Variants in SAMD12 observed in about 807,000 individuals in gnomAD.
The protein encoded by SAMD12 is sterile alpha motif domain containing 12.
Under a neutral mutation model 15.0 loss-of-function variants are expected in SAMD12, and 9 were observed. The observed-to-expected ratio is 0.60, with a 90% CI of 0.36 to 1.05. The LOEUF is 1.05. Ranked by LOEUF, SAMD12 falls within the 50% of genes least tolerant of loss-of-function variation. The pLI is 0.01. For missense variants in SAMD12, 230 were observed against 234.2 expected (o/e 0.98, Z 0.12); for synonymous variants, 86 against 90.1 (o/e 0.96, Z 0.25).
At chr8:118,530,886 G>C (rs987554418) in intron 2 of SAMD12, among the ~76,000 whole-genome samples, 2 of 152,176 alleles carry the variant, frequency 1.3e-5, no homozygotes, top group African/African-American at 2.4e-5. Flanking sequence ...CTGTAGCCCA[G>C]GCTGGAGTGC....
At chr8:118,249,969 T>C (rs1048727047) in intron 4 of SAMD12, among the ~76,000 whole-genome samples, 2 of 152,042 alleles carry the variant, frequency 1.3e-5, no homozygotes, top group African/African-American at 2.4e-5. Context: ...TGCAGGTGAA[T>C]CCACACCCCC....
At chr8:118,263,017 A>G (rs1055865015) in intron 4 of SAMD12, among the ~76,000 whole-genome samples, 2 of 152,060 alleles carry the variant, frequency 1.3e-5, no homozygotes, top group African/African-American at 4.8e-5. Context: ...AACATATACA[A>G]AATTAGGATA....
chr8:118,218,780 A>C, intron 4 of SAMD12, among the ~76,000 whole-genome samples: 1 of 152,042 alleles, frequency 6.6e-6, no homozygotes, highest in South Asian at 2.1e-4. Context: ...ATTGGTAGAC[A>C]CTTAGCTTGA....
At chr8:118,271,351 T>C (rs1209053205) in intron 4 of SAMD12, among the ~76,000 whole-genome samples, 1 of 152,118 alleles carries the variant, frequency 6.6e-6, no homozygotes, top group Non-Finnish European at 1.5e-5. Context: ...GTCCCCATGA[T>C]TAAATTACCT....
intron 4 of SAMD12, among the ~76,000 whole-genome samples, chr8:118,230,773 G>A (rs900084357): frequency 1.3e-5 from 2 of 152,174 alleles, no homozygotes; most frequent in Non-Finnish European, 2.9e-5. Context: ...ATTCAAGAAA[G>A]GAAAGAAGGC....
intron 4 of SAMD12, among the ~76,000 whole-genome samples, chr8:118,224,268 A>T (rs1812140133): frequency 6.6e-6 from 1 of 152,200 alleles, no homozygotes; most frequent in South Asian, 2.1e-4. Context: ...CATTACAACA[A>T]AATAATAGTA....
At chr8:118,160,850 G>T in the SAMD12 span, among the ~76,000 whole-genome samples, 1 of 152,064 alleles carries the variant, frequency 6.6e-6, no homozygotes, top group African/African-American at 2.4e-5. Flanking sequence ...GTGCAGGTTT[G>T]TTACATATGT....
chr8:118,476,725 T>C (rs776578569), intron 2 of SAMD12, among the ~76,000 whole-genome samples: 11 of 152,190 alleles, frequency 7.2e-5, no homozygotes, highest in Admixed American at 2.0e-4. Flanking sequence ...ATAGTAGGCA[T>C]GTTCTTAAAA....
chr8:118,501,398 T>C (rs1020289364), intron 2 of SAMD12, among the ~76,000 whole-genome samples: 1 of 152,206 alleles, frequency 6.6e-6, no homozygotes, highest in Admixed American at 6.5e-5. Context: ...CCACAATGTG[T>C]ATATATTTCA....
Position 118,408,116 on chromosome 8 carries a change from C to T in SAMD12, c.323-28416G>A, listed in dbSNP as rs992810328. 9.9e-5 allele frequency among the ~76,000 whole-genome samples: 15 copies of T among 152,104 alleles called. 1 individual carries two copies. Among genetic ancestry groups the T allele is most frequent in the African/African-American group, 3.1e-4 (13 of 41,392 alleles). ...TTACCCAAGTTTATACACTTCCTCC[C>T]GAGTTCACTTTTTCACTCCAGTCCT... is the stretch of plus-strand genomic sequence containing the variant. On this transcript the variant is annotated intron_variant, in intron 3 of 3. Coordinates refer to ENST00000314727, the MANE Select transcript of SAMD12 (RefSeq NM_207506.3).
At chr8:118,506,458 T>C (rs1388484743) in intron 2 of SAMD12, among the ~76,000 whole-genome samples, 1 of 152,126 alleles carries the variant, frequency 6.6e-6, no homozygotes, top group East Asian at 1.9e-4. Context: ...TTGCAAGTAT[T>C]GGTGCTAATT....
the SAMD12 span, among the ~76,000 whole-genome samples, chr8:118,157,296 G>A: frequency 6.6e-5 from 10 of 152,150 alleles, no homozygotes; most frequent in South Asian, 4.2e-4. Context: ...GGCTCTCTGC[G>A]GGTAACTTAA....
chr8:118,472,174 C>T (rs1467495963), intron 2 of SAMD12, among the ~76,000 whole-genome samples: 1 of 151,970 alleles, frequency 6.6e-6, no homozygotes, highest in Non-Finnish European at 1.5e-5. Flanking sequence ...GTAGCCCCAG[C>T]TATTCAGGAG....
intron 2 of SAMD12, among the ~76,000 whole-genome samples, chr8:118,459,022 T>C (rs1042774714): frequency 1.3e-5 from 2 of 151,620 alleles, no homozygotes; most frequent in Non-Finnish European, 2.9e-5. Context: ...ACAACGTTAA[T>C]ATATTGCTTT....
At position 118,473,718 on chromosome 8, in the gene SAMD12, T is replaced by C. The variant is rs143615227; in HGVS notation, c.193-33757A>G. On this transcript the variant is annotated intron_variant, in intron 2 of 3. Transcript: ENST00000314727. Reference sequence around the variant, plus strand: ...ACCTTCACGCACAGGTCTCCATACATACCATTTCCTCGGCCTGGGAAGCAT... The same window carrying C: ...ACCTTCACGCACAGGTCTCCATACACACCATTTCCTCGGCCTGGGAAGCAT... Among the ~76,000 whole-genome samples the C allele has an allele frequency of 7.6e-3, 1,153 of 152,278 alleles. 4 individuals are homozygous for C. Among genetic ancestry groups the C allele is most frequent in the Non-Finnish European group, 0.012 (806 of 68,014 alleles).
At chr8:118,366,828 A>AATAAAATAT in intron 4 of SAMD12, among the ~76,000 whole-genome samples, 1 of 89,798 alleles carries the variant, frequency 1.1e-5, no homozygotes, top group Non-Finnish European at 2.1e-5. Flanking sequence ...AAATAAAATA[A>AATAAAATAT]AATAAAATAA....
chr8:118,600,282 G>GT (rs779227574), intron 1 of SAMD12, among the ~76,000 whole-genome samples: 59 of 149,246 alleles, frequency 4.0e-4, no homozygotes, highest in Non-Finnish European at 7.6e-4. Context: ...CAAAACTAGA[G>GT]TAAAAAAAAA....
At chr8:118,431,687 C>CCT (rs201201330) in intron 3 of SAMD12, among the ~76,000 whole-genome samples, 63,869 of 147,442 alleles carry the variant, frequency 0.43, 15,897 homozygotes, top group South Asian at 0.59. Context: ...TTACCTTTGT[C>CCT]GTGTGTGTGT....
chr8:118,559,328 C>T (rs1296843261), intron 2 of SAMD12, among the ~76,000 whole-genome samples: 1 of 152,162 alleles, frequency 6.6e-6, no homozygotes, highest in Non-Finnish European at 1.5e-5. Flanking sequence ...CTGAGAGTTC[C>T]TATTTTATGC....
Sources: gnomAD v4.1 joint callset for allele counts (sites outside exome capture counted in the v4.1 genomes callset) on GRCh38, gnomAD v4.1.1 for gene constraint, MANE v1.5 for transcripts, NCBI Gene and HGNC (gene_info 2026-07-23, HGNC 2026-07-21) for gene names.